HMCN2: variants seen among roughly 807,000 people sequenced by gnomAD.
HMCN2 encodes hemicentin 2.
In HMCN2, 325 loss-of-function variants were observed where a neutral mutation model predicts 377.5. That is an observed-to-expected ratio of 0.86 (90% CI 0.79 to 0.94). The LOEUF is 0.94. Among genes scored for constraint, HMCN2 ranks in the 40% least tolerant of loss-of-function variants. The pLI, the probability that HMCN2 is intolerant of heterozygous loss-of-function variation, is 0.00. For synonymous variants in HMCN2, 2,007 were observed against 2,046.8 expected (o/e 0.98, Z 0.53); for missense variants, 4,543 against 4,725.3 (o/e 0.96, Z 1.13).
Position 130,289,837 on chromosome 9 carries a change from G to A in HMCN2, c.612+3527G>A, listed in dbSNP as rs76834743. On this transcript the variant is annotated intron_variant, in intron 4 of 97. Coordinates refer to ENST00000683500, the MANE Select transcript of HMCN2 (RefSeq NM_001291815.2). ...TAGGGTTCTCTCTCTGTCACTTCACGGTAAGCCTCCTGGCACAGGGCCCAG... is the reference window on the plus strand; with the variant it reads ...TAGGGTTCTCTCTCTGTCACTTCACAGTAAGCCTCCTGGCACAGGGCCCAG... Among the ~76,000 whole-genome samples, 302 of 152,256 alleles carry A rather than the reference G, an allele frequency of 2.0e-3. 1 individual carries two copies. The highest frequency in any genetic ancestry group is 6.9e-3 in the African/African-American group (288 of 41,548).
intron 2 of HMCN2, 32 bp downstream of exon 2, chr9:130,284,705 T>C (rs1835325613): frequency 2.1e-6 from 1 of 470,838 alleles, no homozygotes; most frequent in Admixed American, 2.3e-5. Context: ...GTCCCACTCT[T>C]TCCAGTCTGT....
At chr9:130,326,496 C>T (rs1477526071) in intron 21 of HMCN2, among the ~76,000 whole-genome samples, 1 of 152,046 alleles carries the variant, frequency 6.6e-6, no homozygotes, top group Non-Finnish European at 1.5e-5. Flanking sequence ...AGGGCTGGCG[C>T]TCAGTAAATA....
At chr9:130,410,712 G>T (rs986130348) in intron 85 of HMCN2, 60 bp downstream of exon 85, 8 of 1,441,324 alleles carry the variant, frequency 5.6e-6, no homozygotes, top group East Asian at 2.5e-5. Flanking sequence ...CAGCGGTGGC[G>T]TGTGCAGCCT....
intron 29 of HMCN2, among the ~76,000 whole-genome samples, chr9:130,350,005 C>G (rs567401722): frequency 6.5e-5 from 9 of 137,638 alleles, no homozygotes; most frequent in Non-Finnish European, 1.2e-4. Flanking sequence ...TTCTTGGGCT[C>G]AAGAGATCAT....
In HMCN2 at chr9:130,385,577, C is replaced by A. The variant is rs751365496; in HGVS notation, c.9124C>A (p.Gln3042Lys). 2 of 1,304,106 alleles carry A rather than the reference C, an allele frequency of 1.5e-6. No homozygotes were observed. The highest frequency in any genetic ancestry group is 2.5e-5 in the South Asian group (2 of 81,026). The allele number at this position is 1,304,106 out of a possible 1,614,324, so 80.8% of individuals were successfully genotyped here. Reference protein sequence around the residue: ...LSVLVPPAFRQAPRGPQDAVL... With the variant: ...LSVLVPPAFRKAPRGPQDAVL... Reference sequence around the variant, plus strand: ...GCCCCCAGTTCCCCCGGCCTTCAGGCAGGCTCCCAGAGGTCCCCAGGATGC... The same window carrying A: ...GCCCCCAGTTCCCCCGGCCTTCAGGAAGGCTCCCAGAGGTCCCCAGGATGC... The change falls in exon 60 of 98, where the codon CAG becomes AAG. Residue 3042 changes from glutamine (Q) to lysine (K), a missense_variant. This residue lies in a region of HMCN2 where 736 missense variants were observed against 773.2 expected (regional missense o/e 0.95). Coordinates refer to ENST00000683500, the MANE Select transcript of HMCN2 (RefSeq NM_001291815.2).
chr9:130,349,435 G>A, intron 28 of HMCN2, 102 bp from the exon 29 acceptor site: 2 of 1,207,784 alleles, frequency 1.7e-6, no homozygotes, highest in East Asian at 5.8e-5. Context: ...TCAGGTAGGA[G>A]GGGGGCCCAG....
chr9:130,405,930 G>A lies in HMCN2; in HGVS notation c.12340-25G>A, dbSNP rs530022118. 9.7e-5 allele frequency: 124 copies of A among 1,273,720 alleles called. 1 individual carries two copies. In the African/African-American group the frequency reaches 1.3e-3, roughly 13 times the overall value. 78.9% of individuals were successfully genotyped at this position (1,273,720 alleles called of 1,614,324 possible). On this transcript the variant is annotated intron_variant, in intron 81 of 97. Transcript: ENST00000683500. ...CTATGCCGAGGTGGGGCAGTTCTCCGGCCAACCCCTTTCTTTGCTCACAGG... is the reference window on the plus strand; with the variant it reads ...CTATGCCGAGGTGGGGCAGTTCTCCAGCCAACCCCTTTCTTTGCTCACAGG...
rs559084182 is a variant in HMCN2 at position 130,376,056 on chromosome 9, C to G, written c.7918+67C>G. The G allele has an allele frequency of 1.2e-4, 68 of 577,304 alleles. No individual in the cohort carries two copies. In the South Asian group the frequency reaches 2.7e-3, roughly 23 times the overall value. 35.8% of individuals were successfully genotyped at this position (577,304 alleles called of 1,614,324 possible). A position where few individuals can be genotyped will look rare whatever the true frequency, so the allele number is the denominator to read the frequency against. On this transcript the variant is annotated intron_variant, in intron 51 of 97. Coordinates refer to ENST00000683500, the MANE Select transcript of HMCN2 (RefSeq NM_001291815.2). ...CCGCCCGGGAACCTAGGGGCCCAGG[C>G]ACCTGAGCCACCCTTGGTGCTCCAG...
intron 62 of HMCN2, among the ~76,000 whole-genome samples, chr9:130,389,876 G>A (rs1842215869): frequency 6.6e-6 from 1 of 152,214 alleles, no homozygotes; most frequent in Admixed American, 6.5e-5. Context: ...TGCCCAGCCA[G>A]TGCTTCCTTA....
rs1481006817 is a variant in HMCN2, at chr9:130,354,918, C to T, written c.5020C>T (p.Arg1674Trp). 18 of 1,303,906 alleles carry T rather than the reference C, an allele frequency of 1.4e-5. No individual in the cohort carries two copies. In the Admixed American group the frequency reaches 3.0e-4, roughly 22 times the overall value. The allele number at this position is 1,303,906 out of a possible 1,614,324, so 80.8% of individuals were successfully genotyped here. A position where few individuals can be genotyped will look rare whatever the true frequency, so the allele number is the denominator to read the frequency against. Residue 1674 changes from arginine (R) to tryptophan (W), a missense_variant, in exon 32 of 98, where the codon CGG becomes TGG. Physicochemically the swap from Arg to Trp is moderately radical, Grantham distance 101 (BLOSUM62 -3). Coordinates refer to ENST00000683500, the MANE Select transcript of HMCN2 (RefSeq NM_001291815.2). ...GLPVAESNES[R>W]LETDGSVLRL... ...GCCCGTGGCAGAGAGCAACGAGTCG[C>T]GGCTGGAGACAGACGGGAGTGTGCT...
Position 130,370,991 on chromosome 9 carries a change from A to G in HMCN2, c.7097A>G (p.Asp2366Gly). The G allele has an allele frequency of 1.0e-6, 1 of 986,056 alleles. No individual in the cohort carries two copies. The highest frequency in any genetic ancestry group is 1.2e-6 in the Non-Finnish European group (1 of 830,132). The allele number at this position is 986,056 out of a possible 1,614,324, so 61.1% of individuals were successfully genotyped here. ...LVPPELIGDL[D>G]PLTNITAALH... ...CCCCCAGAGCTCATTGGAGACTTGG[A>G]CCCGCTGACCAACATCACTGCTGCC... Residue 2366 changes from aspartate to glycine, a missense_variant, in exon 46 of 98, where the codon GAC (aspartate) becomes GGC (glycine). Physicochemically the swap from Asp to Gly is moderately conservative, Grantham distance 94 (BLOSUM62 -1). Transcript: ENST00000683500.
chr9:130,379,666 TG>T (rs1841594464), intron 54 of HMCN2, among the ~76,000 whole-genome samples, 199 bp downstream of exon 54: 1 of 152,218 alleles, frequency 6.6e-6, no homozygotes, highest in Non-Finnish European at 1.5e-5. Flanking sequence ...CCTCCTATCA[TG>T]GGGCATGCCC....
rs997816413 is a variant in HMCN2, at chr9:130,324,447, C to T, written c.2921-1148C>T. Among the ~76,000 whole-genome samples, 722 of 152,294 alleles carry T rather than the reference C, an allele frequency of 4.7e-3. 8 individuals carry two copies. Among genetic ancestry groups the T allele is most frequent in the African/African-American group, 0.016 (676 of 41,566 alleles). On this transcript the variant is annotated intron_variant, in intron 19 of 97. Coordinates refer to ENST00000683500, the MANE Select transcript of HMCN2 (RefSeq NM_001291815.2). ...AGATTTCCCACATAACCCTGGCTCC[C>T]GCCACGCGCAGCCTTCTTCACTGTC...
chr9:130,334,701 C>G (rs1191130736), intron 22 of HMCN2, among the ~76,000 whole-genome samples: 3 of 146,740 alleles, frequency 2.0e-5, no homozygotes, highest in African/African-American at 4.9e-5. Flanking sequence ...CTCTTTCTTT[C>G]TTTCTTTCTC....
chr9:130,406,092 G>A lies in HMCN2; in HGVS notation c.12477G>A (p.Arg4159=), dbSNP rs1388984318. ...ACCGCAGCCTGCGCCTTGGGGACAG[G>A]CTGTGGCTTCGCTGTGCAGCCCGGG... ...PGDRSLRLGD[R]LWLRCAARGS... The change falls in exon 82 of 98, where the codon AGG becomes AGA. Residue 4159 remains arginine (R), a synonymous_variant. Coordinates refer to ENST00000683500, the MANE Select transcript of HMCN2 (RefSeq NM_001291815.2). 9.3e-6 allele frequency: 12 copies of A among 1,289,760 alleles called. No homozygotes were observed. The highest frequency in any genetic ancestry group is 5.5e-5 in the East Asian group (1 of 18,040). The allele number at this position is 1,289,760 out of a possible 1,614,324, so 79.9% of individuals were successfully genotyped here.
At chr9:130,320,682 T>G (rs1256910832) in intron 17 of HMCN2, 94 bp from the exon 18 acceptor site, 6 of 152,188 alleles carry the variant, frequency 3.9e-5, no homozygotes, top group Non-Finnish European at 2.9e-5. Context: ...CATCTCTCAG[T>G]TCCCTGGGGA....
chr9:130,374,011 G>A (rs1313703236), intron 48 of HMCN2, among the ~76,000 whole-genome samples: 1 of 151,848 alleles, frequency 6.6e-6, no homozygotes, highest in African/African-American at 2.4e-5. Flanking sequence ...TGGGTGGATG[G>A]ATGAATGGAG....
intron 31 of HMCN2, among the ~76,000 whole-genome samples, chr9:130,354,461 A>G (rs981921419): frequency 4.6e-5 from 7 of 152,270 alleles, no homozygotes; most frequent in Non-Finnish European, 1.0e-4. Context: ...CCTGCTGTGT[A>G]TAGGCACTGG....
In HMCN2 at chr9:130,336,833, G is replaced by A. The variant is rs988037706; in HGVS notation, c.3360-1061G>A. Among the ~76,000 whole-genome samples the A allele has an allele frequency of 3.8e-3, 576 of 151,064 alleles. 1 individual carries two copies. The highest frequency in any genetic ancestry group is 7.1e-3 in the Non-Finnish European group (478 of 67,742). ...CCGCGCTTTGCTCACCATGTCTCATGTGATCCTTGCAGCTGCCCGCGAGGT... is the reference window on the plus strand; with the variant it reads ...CCGCGCTTTGCTCACCATGTCTCATATGATCCTTGCAGCTGCCCGCGAGGT... On this transcript the variant is annotated intron_variant, in intron 22 of 97. Coordinates refer to ENST00000683500, the MANE Select transcript of HMCN2 (RefSeq NM_001291815.2).
Sources: gnomAD v4.1 joint callset for allele counts (sites outside exome capture counted in the v4.1 genomes callset) on GRCh38, gnomAD v4.1.1 for gene constraint, gnomAD v4.1.1 regional missense constraint, MANE v1.5 for transcripts, NCBI Gene and HGNC (gene_info 2026-07-23, HGNC 2026-07-21) for gene names.